SPDYE21: variants seen among roughly 807,000 people sequenced by gnomAD.
SPDYE21 encodes speedy/RINGO cell cycle regulator family member E21, also known as speedy protein E21.
Under a neutral mutation model 36.2 loss-of-function variants are expected in SPDYE21, and 14 were observed. The ratio of observed to expected loss-of-function variants is 0.39; its 90% CI spans 0.26 to 0.61. The LOEUF (loss-of-function observed/expected upper bound fraction) is 0.61. Ranked by LOEUF, SPDYE21 falls within the 20% of genes least tolerant of loss-of-function variation. SPDYE21 has a pLI of 0.55. For synonymous variants in SPDYE21, 58 were observed against 155.1 expected (o/e 0.37, Z 4.65); for missense variants, 233 against 424.6 (o/e 0.55, Z 3.97).
At position 67,277,017 on chromosome 7, in the gene SPDYE21, G is replaced by A. The variant is rs1048636607; in HGVS notation, c.-468G>A. Among the ~76,000 whole-genome samples, 1 of 152,072 alleles carries A rather than the reference G, an allele frequency of 6.6e-6. No individual in the cohort carries two copies. The highest frequency in any genetic ancestry group is 2.4e-5 in the African/African-American group (1 of 41,400). On this transcript the variant is annotated 5_prime_UTR_variant, in exon 1 of 9. Coordinates refer to ENST00000424157, the MANE Select transcript of SPDYE21 (RefSeq NM_001382715.2). ...CTTTTCTATGAGCGAGAGACTCCTA[G>A]GAAAGCAGCAGCCCATTAGGAAAAC...
chr7:67,282,909 C>G (rs1302605893), intron 5 of SPDYE21, among the ~76,000 whole-genome samples: 1 of 134,950 alleles, frequency 7.4e-6, no homozygotes, highest in African/African-American at 2.8e-5. Context: ...CGGGTTCAAG[C>G]GATTCTCCTG....
At chr7:67,284,427 T>G in intron 6 of SPDYE21, among the ~76,000 whole-genome samples, 1 of 107,524 alleles carries the variant, frequency 9.3e-6, no homozygotes. Flanking sequence ...CCAGCCTGGG[T>G]GACAGAGTGA....
Position 67,276,986 on chromosome 7 carries a change from G to A in SPDYE21, c.-499G>A, listed in dbSNP as rs879191819. On this transcript the variant is annotated 5_prime_UTR_variant, in exon 1 of 9. The change creates a new upstream start codon in the 5' untranslated region. Transcript: ENST00000424157. ...AATGGGATCGGCTTCCTCTTTCAGT[G>A]TGTGCCTTTTCTATGAGCGAGAGAC... 4.2e-4 allele frequency among the ~76,000 whole-genome samples: 64 copies of A among 152,182 alleles called. No individual in the cohort carries two copies. The highest frequency in any genetic ancestry group is 2.6e-4 in the Non-Finnish European group (18 of 68,038).
At chr7:67,287,124 C>T (rs1802751189) in intron 8 of SPDYE21, among the ~76,000 whole-genome samples, 6 of 152,174 alleles carry the variant, frequency 3.9e-5, no homozygotes, top group Admixed American at 1.3e-4. Flanking sequence ...CTTCTGGACT[C>T]GTGGTTCGTG....
At position 67,288,588 on chromosome 7, in the gene SPDYE21, G is replaced by A. The variant is rs1228386899; in HGVS notation, c.*1116G>A. Among the ~76,000 whole-genome samples, 1 of 147,946 alleles carries A rather than the reference G, an allele frequency of 6.8e-6. No individual in the cohort carries two copies. The highest frequency in any genetic ancestry group is 1.5e-5 in the Non-Finnish European group (1 of 67,376). ...TGCTGTTTCTATAAAGCTGTGTGAT[G>A]GGTATTATAACTGTTATATACACAT... On this transcript the variant is annotated 3_prime_UTR_variant, in exon 9 of 9. Coordinates refer to ENST00000424157, the MANE Select transcript of SPDYE21 (RefSeq NM_001382715.2).
intron 3 of SPDYE21, among the ~76,000 whole-genome samples, chr7:67,280,399 C>T (rs1477411340): frequency 6.6e-6 from 1 of 152,062 alleles, no homozygotes; most frequent in African/African-American, 2.4e-5. Flanking sequence ...GAGCAAAACC[C>T]TGTGTCAAAA....
rs1802728445 is a variant in SPDYE21 at position 67,286,155 on chromosome 7, C to T, written c.867C>T (p.Phe289=). 6.2e-6 allele frequency: 10 copies of T among 1,611,096 alleles called. No individual in the cohort carries two copies. Among genetic ancestry groups the T allele is most frequent in the South Asian group, 1.1e-5 (1 of 90,816 alleles). ...TACCCTTGCTCCGTAAGCGTTGGTTCCAGTTAGGCCGTTCCATGAACCCGA... is the reference window on the plus strand; with the variant it reads ...TACCCTTGCTCCGTAAGCGTTGGTTTCAGTTAGGCCGTTCCATGAACCCGA... ...SRIPLLRKRW[F]QLGRSMNPRA... is the part of the protein sequence containing the mutation. Residue 289 remains phenylalanine (F), a synonymous_variant, in exon 7 of 9, where the codon TTC becomes TTT. Coordinates refer to ENST00000424157, the MANE Select transcript of SPDYE21 (RefSeq NM_001382715.2).
In SPDYE21 at chr7:67,279,976, A is replaced by C; in HGVS notation, c.319A>C (p.Lys107Gln). ...ETLCGLKMKLKQQRVSPILPE... is the reference protein window; with the variant it reads ...ETLCGLKMKLQQQRVSPILPE... ...GCTGTGTGGGCTTAAGATGAAGCTG[A>C]AGCAACAGCGAGTGTCACCCATCCT... is the stretch of plus-strand genomic sequence containing the variant. Residue 107 changes from lysine (K) to glutamine (Q), a missense_variant, in exon 3 of 9, where the codon AAG (lysine) becomes CAG (glutamine). Around this residue, in one of 4 missense-constraint regions of SPDYE21, gnomAD observed 68 missense variants for 87.6 expected, o/e 0.78. Transcript: ENST00000424157. 6.3e-7 allele frequency: 1 copy of C among 1,576,338 alleles called. No individual in the cohort carries two copies. Among genetic ancestry groups the C allele is most frequent in the Admixed American group, 1.7e-5 (1 of 58,756 alleles).
Position 67,277,063 on chromosome 7 carries a change from GTTCT to G in SPDYE21, c.-423+4_-423+7del, listed in dbSNP as rs1211647977. Among the ~76,000 whole-genome samples, 77 of 151,934 alleles carry G rather than the reference GTTCT, an allele frequency of 5.1e-4. No homozygotes were observed. Among genetic ancestry groups the G allele is most frequent in the Non-Finnish European group, 9.6e-4 (65 of 67,902 alleles). The stretch of plus-strand genomic sequence containing the variant: ...AAAACGTGTGGGAACTCACTCGCAG[GTTCT>G]TTATTTTTTTTGAGATGGAGTTTTG... On this transcript the variant is annotated splice_donor_variant and splice_donor_5th_base_variant and intron_variant, in intron 1 of 8. Transcript: ENST00000424157. LOFTEE classifies it low-confidence loss of function (5UTR_SPLICE).
At chr7:67,283,581 C>T (rs1332717271) in intron 5 of SPDYE21, among the ~76,000 whole-genome samples, 1 of 152,028 alleles carries the variant, frequency 6.6e-6, no homozygotes, top group Non-Finnish European at 1.5e-5. Flanking sequence ...AATCTCCTGG[C>T]CCCTCTACTC....
At position 67,287,530 on chromosome 7, in the gene SPDYE21, AGG is replaced by A. The variant is rs1802761780; in HGVS notation, c.*61_*62del. Among the ~76,000 whole-genome samples, 1 of 152,032 alleles carries A rather than the reference AGG, an allele frequency of 6.6e-6. No homozygotes were observed. The highest frequency in any genetic ancestry group is 2.4e-5 in the African/African-American group (1 of 41,422). ...CTCTCACTTCCAGAACACCGGACCCAGGGGAGATGTGGATTTTCAGCAGGAAC... is the reference window on the plus strand; with the variant it reads ...CTCTCACTTCCAGAACACCGGACCCAGGAGATGTGGATTTTCAGCAGGAAC... On this transcript the variant is annotated 3_prime_UTR_variant, in exon 9 of 9. Coordinates refer to ENST00000424157, the MANE Select transcript of SPDYE21 (RefSeq NM_001382715.2).
chr7:67,282,731 A>G (rs73703526), intron 5 of SPDYE21, 38 bp downstream of exon 5: 214,365 of 882,142 alleles, frequency 0.24, 78,027 homozygotes, highest in East Asian at 0.8. Context: ...CTGTTCCAAC[A>G]CATGGCTGGG....
At chr7:67,282,744 G>C (rs576726064) in intron 5 of SPDYE21, 51 bp downstream of exon 5, 1 of 1,067,590 alleles carries the variant, frequency 9.4e-7, no homozygotes, top group Admixed American at 2.3e-5. Context: ...TGGCTGGGGG[G>C]AGGGCGCAGC....
intron 8 of SPDYE21, among the ~76,000 whole-genome samples, 98 bp downstream of exon 8, chr7:67,286,762 G>A (rs1216883156): frequency 5.9e-5 from 9 of 151,912 alleles, no homozygotes; most frequent in Non-Finnish European, 8.8e-5. Flanking sequence ...CCTGGGCAAC[G>A]TGGTGAGATC....
At position 67,282,674 on chromosome 7, in the gene SPDYE21, A is replaced by G. The variant is rs1464020586; in HGVS notation, c.650A>G (p.Asp217Gly). ...AAAAGATTCCTGGCCTGGGACAAAG[A>G]TCTGAGGGTGTCGGACAAGGTAAGG... The part of the protein sequence containing the change: ...VIKRFLAWDK[D>G]LRVSDKYLLA... The change falls in exon 5 of 9, where the codon GAT becomes GGT. Residue 217 changes from aspartate (D) to glycine (G), a missense_variant. By Grantham distance (94) the Asp-to-Gly change is moderately conservative. Around this residue, in one of 4 missense-constraint regions of SPDYE21, gnomAD observed 24 missense variants for 59.2 expected, o/e 0.41. Coordinates refer to ENST00000424157, the MANE Select transcript of SPDYE21 (RefSeq NM_001382715.2). The G allele has an allele frequency of 1.0e-5, 16 of 1,546,320 alleles. 1 individual carries two copies. In the African/African-American group the frequency reaches 1.5e-4, roughly 15 times the overall value.
rs1032020153 is a variant in SPDYE21, at chr7:67,282,190, A to G, written c.611-445A>G. 3.0e-3 allele frequency among the ~76,000 whole-genome samples: 451 copies of G among 152,304 alleles called. 2 individuals are homozygous for G. Among genetic ancestry groups the G allele is most frequent in the Non-Finnish European group, 4.7e-3 (318 of 68,006 alleles). On this transcript the variant is annotated intron_variant, in intron 4 of 8. Coordinates refer to ENST00000424157, the MANE Select transcript of SPDYE21 (RefSeq NM_001382715.2). Reference sequence around the variant, plus strand: ...TCAAATAAAGAAAAACAAAATCAATAAACAAAGAAAGTGGTTTCAGCTGTG... The same window carrying G: ...TCAAATAAAGAAAAACAAAATCAATGAACAAAGAAAGTGGTTTCAGCTGTG...
At chr7:67,287,368 T>C (rs558058263) in intron 8 of SPDYE21, among the ~76,000 whole-genome samples, 150 bp from the exon 9 acceptor site, 25 of 152,286 alleles carry the variant, frequency 1.6e-4, no homozygotes, top group South Asian at 4.1e-4. Context: ...TTGAACACGA[T>C]GGTTCAGAAG....
rs1584749715 is a variant in SPDYE21, at chr7:67,286,165, C to T, written c.877C>T (p.Arg293Cys). ...LLRKRWFQLG[R>C]SMNPRARKNR... ...CCGTAAGCGTTGGTTCCAGTTAGGC[C>T]GTTCCATGAACCCGAGGGCCAGGAA... The change falls in exon 7 of 9, where the codon CGT (arginine) becomes TGT (cysteine). Residue 293 changes from arginine (R) to cysteine (C), a missense_variant. This residue lies in a region of SPDYE21 where 139 missense variants were observed against 175.8 expected (regional missense o/e 0.79). Coordinates refer to ENST00000424157, the MANE Select transcript of SPDYE21 (RefSeq NM_001382715.2). 16 of 1,610,872 alleles carry T rather than the reference C, an allele frequency of 9.9e-6. No individual in the cohort carries two copies. The highest frequency in any genetic ancestry group is 4.5e-5 in the East Asian group (2 of 44,466).
intron 6 of SPDYE21, among the ~76,000 whole-genome samples, chr7:67,285,811 GC>G (rs1802719158): frequency 6.6e-6 from 1 of 152,000 alleles, no homozygotes; most frequent in Non-Finnish European, 1.5e-5. Context: ...CCAGGCGTAA[GC>G]CACCACTCTC....
Sources: gnomAD v4.1 joint callset for allele counts (sites outside exome capture counted in the v4.1 genomes callset) on GRCh38, gnomAD v4.1.1 for gene constraint, gnomAD v4.1.1 regional missense constraint, MANE v1.5 for transcripts, NCBI Gene and HGNC (gene_info 2026-07-23, HGNC 2026-07-21) for gene names.